Variants in PIGB observed in about 807,000 individuals in gnomAD.
PIGB encodes the protein GPI alpha-1,2-mannosyltransferase 3.
Under a neutral mutation model 68.4 loss-of-function variants are expected in PIGB, and 58 were observed. That is an observed-to-expected ratio of 0.85 (90% confidence interval 0.69 to 1.06). The LOEUF (loss-of-function observed/expected upper bound fraction) is 1.06, where lower values mean the gene tolerates loss of function less well. Ranked by LOEUF, PIGB falls within the 50% of genes least tolerant of loss-of-function variation. PIGB has a pLI of 0.00. For synonymous variants in PIGB, 219 were observed against 220.5 expected, an observed-to-expected ratio of 0.99 and a Z score of 0.06; for missense variants, 634 against 655.8, an observed-to-expected ratio of 0.97 and a Z score of 0.36.
At chr15:55,334,045 C>T (rs538997859) in intron 6 of PIGB, 38 bp downstream of exon 6, 2 of 1,442,576 alleles carry the variant, frequency 1.4e-6, no homozygotes, top group South Asian at 2.8e-5. Flanking sequence ...ATTTTAGTAG[C>T]CTACAAATCA....
At chr15:55,331,340 A>G (rs2055408926) in intron 5 of PIGB, among the ~76,000 whole-genome samples, 1 of 152,150 alleles carries the variant, frequency 6.6e-6, no homozygotes, top group Non-Finnish European at 1.5e-5. Context: ...ACTGCTATAT[A>G]AGCATTTTTC....
At chr15:55,320,435 G>C (rs1364162990) in intron 2 of PIGB, 25 bp downstream of exon 2, 1 of 1,604,856 alleles carries the variant, frequency 6.2e-7, no homozygotes, top group African/African-American at 1.3e-5. Flanking sequence ...TTCTTTTCCA[G>C]ACTATGAGTG....
chr15:55,321,205 CT>C, intron 2 of PIGB, 67 bp from the exon 3 acceptor site: 1 of 1,282,634 alleles, frequency 7.8e-7, no homozygotes. Context: ...GAGACCCCAT[CT>C]TAAAAAAAAA....
intron 6 of PIGB, among the ~76,000 whole-genome samples, chr15:55,336,873 C>A (rs1428318226): frequency 2.0e-5 from 3 of 152,142 alleles, no homozygotes; most frequent in Admixed American, 2.0e-4. Flanking sequence ...GCCTATAATC[C>A]CAGCTACTTG....
chr15:55,340,613 G>T lies in PIGB; in HGVS notation c.848G>T (p.Trp283Leu). 6.2e-7 allele frequency: 1 copy of T among 1,605,166 alleles called. No individual in the cohort carries two copies. Among genetic ancestry groups the T allele is most frequent in the Non-Finnish European group, 8.5e-7 (1 of 1,174,628 alleles). The change falls in exon 8 of 12, where the codon TGG becomes TTG. Residue 283 changes from tryptophan to leucine, a missense_variant and splice_region_variant. Coordinates refer to ENST00000164305, the MANE Select transcript of PIGB (RefSeq NM_004855.5). ...TTATTTTTCCTTCAACGGTGCCAGT[G>T]GACTCTGGTTCAATTTAATTTTTTG... Reference protein sequence around the residue: ...LMIDRIFFGQWTLVQFNFLKF... With the variant: ...LMIDRIFFGQLTLVQFNFLKF...
At chr15:55,320,092 T>A (rs975268847) in intron 1 of PIGB, 183 bp from the exon 2 acceptor site, 4 of 439,478 alleles carry the variant, frequency 9.1e-6, no homozygotes, top group African/African-American at 2.0e-5. Flanking sequence ...AGAGTGGCAG[T>A]CACCCAGTGA....
At chr15:55,339,367 T>A in intron 7 of PIGB, 49 bp downstream of exon 7, 1 of 1,207,814 alleles carries the variant, frequency 8.3e-7, no homozygotes, top group Non-Finnish European at 1.2e-6. Flanking sequence ...TTTAATCCAT[T>A]AATACTTTAG....
rs1246387128 is a variant in PIGB, at chr15:55,321,388, C to T, written c.415C>T (p.Leu139=). The change falls in exon 3 of 12, where the codon CTG becomes TTG. Residue 139 remains leucine, a splice_region_variant and synonymous_variant. Coordinates refer to ENST00000164305, the MANE Select transcript of PIGB (RefSeq NM_004855.5). Reference sequence around the variant, plus strand: ...TTTAGGGAAAGATAGTGTTCAGTTGCTGGTAAGTTTAAATAAAAGTAACTA... The same window carrying T: ...TTTAGGGAAAGATAGTGTTCAGTTGTTGGTAAGTTTAAATAAAAGTAACTA... ...HLLGKDSVQL[L]IWIPRLAQAL... 1 of 1,586,784 alleles carries T rather than the reference C, an allele frequency of 6.3e-7. No homozygotes were observed. The highest frequency in any genetic ancestry group is 2.2e-5 in the East Asian group (1 of 44,454).
chr15:55,347,601 A>G (rs1286580128), intron 9 of PIGB, among the ~76,000 whole-genome samples: 1 of 152,228 alleles, frequency 6.6e-6, no homozygotes, highest in African/African-American at 2.4e-5. Flanking sequence ...GTTGAAGACA[A>G]TTTTGAATGG....
In PIGB at chr15:55,333,984, T is replaced by A; in HGVS notation, c.771T>A (p.Ile257=). Residue 257 remains isoleucine, a synonymous_variant, in exon 6 of 12, where the codon ATT becomes ATA. Coordinates refer to ENST00000164305, the MANE Select transcript of PIGB (RefSeq NM_004855.5). ...FCQEPRKLDL[I]LHHFLPVGFV... is the part of the protein sequence containing the mutation. ...AAGAACCAAGAAAGCTTGATCTTAT[T>A]CTACATCATTTTTTACCTGTAGGGT... The A allele has an allele frequency of 6.2e-7, 1 of 1,604,150 alleles. No homozygotes were observed.
intron 10 of PIGB, among the ~76,000 whole-genome samples, chr15:55,352,743 C>T (rs1292530667): frequency 2.0e-5 from 3 of 152,060 alleles, no homozygotes; most frequent in Non-Finnish European, 2.9e-5. Context: ...GGCGACAGAG[C>T]GAGACTCAAC....
intron 5 of PIGB, among the ~76,000 whole-genome samples, chr15:55,331,551 T>TA (rs1218946741): frequency 6.6e-6 from 1 of 151,936 alleles, no homozygotes; most frequent in Non-Finnish European, 1.5e-5. Flanking sequence ...CCGTCTCCAC[T>TA]AAAAATACAA....
intron 11 of PIGB, 111 bp from the exon 12 acceptor site, chr15:55,355,175 T>C (rs1180828761): frequency 1.0e-6 from 1 of 981,932 alleles, no homozygotes; most frequent in Non-Finnish European, 1.5e-6. Flanking sequence ...TTAATTCTTT[T>C]ATTAAGCAAA....
At chr15:55,342,222 G>A (rs2055687107) in intron 9 of PIGB, among the ~76,000 whole-genome samples, 1 of 152,196 alleles carries the variant, frequency 6.6e-6, no homozygotes, top group African/African-American at 2.4e-5. Flanking sequence ...TCACTAAAAA[G>A]TAAAGTAACA....
rs1280169305 is a variant in PIGB at position 55,355,515 on chromosome 15, T to C, written c.*83T>C. ...TTCGGTAAACACTGGGTAAGATTCA[T>C]GGAACTTAGAAAAAAGCTGTATGAA... On this transcript the variant is annotated 3_prime_UTR_variant, in exon 12 of 12. Coordinates refer to ENST00000164305, the MANE Select transcript of PIGB (RefSeq NM_004855.5). 8.7e-7 allele frequency: 1 copy of C among 1,149,386 alleles called. No homozygotes were observed. Among genetic ancestry groups the C allele is most frequent in the Non-Finnish European group, 1.2e-6 (1 of 809,064 alleles). The allele number at this position is 1,149,386 out of a possible 1,614,324, so 71.2% of individuals were successfully genotyped here. A position where few individuals can be genotyped will look rare whatever the true frequency, so the allele number is the denominator to read the frequency against.
At chr15:55,350,999 A>G in intron 10 of PIGB, 87 bp downstream of exon 10, 1 of 681,806 alleles carries the variant, frequency 1.5e-6, no homozygotes, top group Non-Finnish European at 2.5e-6. Flanking sequence ...ATTTGAATTA[A>G]TTGGTCACTG....
intron 3 of PIGB, among the ~76,000 whole-genome samples, chr15:55,323,998 C>T (rs2055222277): frequency 6.6e-6 from 1 of 152,184 alleles, no homozygotes; most frequent in Non-Finnish European, 1.5e-5. Context: ...AGTGATTCTC[C>T]TGCCTCAGCC....
intron 3 of PIGB, among the ~76,000 whole-genome samples, chr15:55,327,153 T>C (rs995004448): frequency 1.3e-5 from 2 of 148,932 alleles, no homozygotes; most frequent in Admixed American, 6.7e-5. Flanking sequence ...TATATGTGTG[T>C]GTATATATGT....
chr15:55,353,998 T>TAAAAATAAAAAAAAAAATA (rs112479438), intron 10 of PIGB, among the ~76,000 whole-genome samples: 1 of 112,034 alleles, frequency 8.9e-6, no homozygotes, highest in African/African-American at 4.2e-5. Context: ...TCATCTTAAA[T>TAAAAATAAAAAAAAAAATA]AAAAAAAAAA....
Sources: allele counts gnomAD v4.1 joint callset (sites outside exome capture counted in the v4.1 genomes callset), GRCh38; gene constraint gnomAD v4.1.1; transcripts MANE v1.5; gene names NCBI Gene and HGNC (gene_info 2026-07-23, HGNC 2026-07-21).